SH3GL1: variants seen among roughly 807,000 people sequenced by gnomAD.
The protein encoded by SH3GL1 is SH3 domain containing GRB2 like 1, endophilin A2.
SH3GL1 carries 21 observed loss-of-function variants against 48.8 expected under a neutral mutation model. That is an observed-to-expected ratio of 0.43 (90% confidence interval 0.30 to 0.62). The LOEUF is 0.62. Among genes scored for constraint, SH3GL1 ranks in the 20% least tolerant of loss-of-function variants. The pLI, the probability that SH3GL1 is intolerant of heterozygous loss-of-function variation, is 0.11. For missense variants in SH3GL1, 454 were observed against 503.0 expected (o/e 0.90, Z 0.93); for synonymous variants, 282 against 217.5 (o/e 1.30, Z -2.61).
intron 4 of SH3GL1, among the ~76,000 whole-genome samples, chr19:4,365,150 G>A (rs951450716): frequency 7.9e-5 from 12 of 152,066 alleles, no homozygotes; most frequent in African/African-American, 2.9e-4. Context: ...CCGAATCGAT[G>A]CTGGACGTTA....
intron 1 of SH3GL1, among the ~76,000 whole-genome samples, chr19:4,387,418 C>A (rs1460326486): frequency 6.6e-6 from 1 of 152,198 alleles, no homozygotes; most frequent in Admixed American, 6.5e-5. Context: ...CCCACCTCAG[C>A]CTACCAAGTA....
At position 4,373,851 on chromosome 19, in the gene SH3GL1, T is replaced by C. The variant is rs115972360; in HGVS notation, c.46-6857A>G. On this transcript the variant is annotated intron_variant, in intron 1 of 9. Transcript: ENST00000269886. Reference sequence around the variant, plus strand: ...TGGCCAGAGGTGTGGCTGGGTGCCATGGTAGGGAAAGACAGCCAGACATTG... The same window carrying C: ...TGGCCAGAGGTGTGGCTGGGTGCCACGGTAGGGAAAGACAGCCAGACATTG... Among the ~76,000 whole-genome samples the C allele has an allele frequency of 5.6e-3, 856 of 152,208 alleles. 9 individuals are homozygous for C. Among genetic ancestry groups the C allele is most frequent in the African/African-American group, 0.02 (818 of 41,534 alleles).
At chr19:4,364,525 G>C (rs1284673390) in intron 4 of SH3GL1, 7 of 376,262 alleles carry the variant, frequency 1.9e-5, no homozygotes, top group African/African-American at 1.2e-4. Flanking sequence ...CTGCCTCCCA[G>C]GTTCAAGCAA....
intron 7 of SH3GL1, 35 bp downstream of exon 7, chr19:4,363,335 C>G (rs1437667318): frequency 1.3e-6 from 2 of 1,528,212 alleles, no homozygotes; most frequent in Admixed American, 3.8e-5. Flanking sequence ...CGCATGGCAG[C>G]CCAGACTCTG....
rs753507515 is a variant in SH3GL1 at position 4,364,211 on chromosome 19, C to T, written c.342G>A (p.Leu114=). The T allele has an allele frequency of 3.1e-6, 5 of 1,613,934 alleles. No individual in the cohort carries two copies. The highest frequency in any genetic ancestry group is 4.2e-6 in the Non-Finnish European group (5 of 1,180,040). The part of the protein sequence containing the change: ...LGGESNFGDA[L]LDAGESMKRL... ...GCTTCATGGACTCGCCGGCATCCAG[C>T]AATGCGTCACCTGTGGAGAAGTGGT... Residue 114 remains leucine, a synonymous_variant, in exon 5 of 10, where the codon TTG becomes TTA. Transcript: ENST00000269886.
At chr19:4,383,342 G>A (rs956783173) in intron 1 of SH3GL1, among the ~76,000 whole-genome samples, 4 of 151,834 alleles carry the variant, frequency 2.6e-5, no homozygotes, top group Non-Finnish European at 5.9e-5. Context: ...AGTCTCCCGA[G>A]TAGCTGGGAC....
At chr19:4,369,404 G>A (rs112274685) in intron 1 of SH3GL1, among the ~76,000 whole-genome samples, 2,815 of 152,360 alleles carry the variant, frequency 0.018, 32 homozygotes, top group Non-Finnish European at 0.028. Context: ...AGCGGGCTGC[G>A]AAACCACACC....
At position 4,389,652 on chromosome 19, in the gene SH3GL1, C is replaced by G. The variant is rs1408122175; in HGVS notation, c.45+10672G>C. Among the ~76,000 whole-genome samples the G allele has an allele frequency of 6.6e-6, 1 of 152,190 alleles. No homozygotes were observed. Among genetic ancestry groups the G allele is most frequent in the South Asian group, 2.1e-4 (1 of 4,830 alleles). On this transcript the variant is annotated intron_variant, in intron 1 of 9. Transcript: ENST00000269886. This position sits in a 1 kb window ranked among gnomAD's most constrained non-coding sequence, Gnocchi z 4.5. ...CCTCTAGGGCGTGCTCACACAAACT[C>G]GACACGAGGCCATCCGCTGTAGGGT...
chr19:4,365,346 C>G, intron 4 of SH3GL1, 136 bp downstream of exon 4: 1 of 1,211,994 alleles, frequency 8.3e-7, no homozygotes, highest in South Asian at 1.2e-5. Context: ...GTCTCCTGCA[C>G]CTCTGCAGCT....
In SH3GL1 at chr19:4,367,153, G is replaced by A. The variant is rs894734534; in HGVS notation, c.46-159C>T. ...CTCAGGCACTGCCGTGGGCACCCCA[G>A]GGCCACACGCTGCCTGCAGAGCAGG... On this transcript the variant is annotated intron_variant, in intron 1 of 9. Transcript: ENST00000269886. This position sits in a 1 kb window ranked among gnomAD's most constrained non-coding sequence, Gnocchi z 4.2. Among the ~76,000 whole-genome samples the A allele has an allele frequency of 6.6e-6, 1 of 152,166 alleles. No individual in the cohort carries two copies.
rs1355249190 is a variant in SH3GL1, at chr19:4,376,391, G to A, written c.46-9397C>T. Reference sequence around the variant, plus strand: ...CGTGCATTCTGTAGAGAACCTCAGCGCCCTCCTCCCTGCCGGCAGCCAGGC... The same window carrying A: ...CGTGCATTCTGTAGAGAACCTCAGCACCCTCCTCCCTGCCGGCAGCCAGGC... On this transcript the variant is annotated intron_variant, in intron 1 of 9. Transcript: ENST00000269886. The surrounding 1 kb of genome is among the most constrained non-coding windows in gnomAD (Gnocchi z 4.3). 3.3e-5 allele frequency among the ~76,000 whole-genome samples: 5 copies of A among 152,092 alleles called. No individual in the cohort carries two copies. Among genetic ancestry groups the A allele is most frequent in the Non-Finnish European group, 7.4e-5 (5 of 68,010 alleles).
At chr19:4,385,384 C>G (rs181427831) in intron 1 of SH3GL1, among the ~76,000 whole-genome samples, 3 of 152,174 alleles carry the variant, frequency 2.0e-5, no homozygotes, top group African/African-American at 7.2e-5. Context: ...TGGTGCCGAC[C>G]AGCGTGTGGC....
In SH3GL1 at chr19:4,362,393, C is replaced by G. The variant is rs371229186; in HGVS notation, c.854-8G>C. Reference sequence around the variant, plus strand: ...ATCGGAAAGACGATGAAGCTAAACACAAGCAAAACGAGGAGGCTGTGGGCT... The same window carrying G: ...ATCGGAAAGACGATGAAGCTAAACAGAAGCAAAACGAGGAGGCTGTGGGCT... On this transcript the variant is annotated splice_region_variant and splice_polypyrimidine_tract_variant and intron_variant, in intron 8 of 9. Coordinates refer to ENST00000269886, the MANE Select transcript of SH3GL1 (RefSeq NM_003025.4). The G allele has an allele frequency of 1.2e-6, 2 of 1,609,490 alleles. No homozygotes were observed. The highest frequency in any genetic ancestry group is 1.1e-5 in the South Asian group (1 of 90,332).
At chr19:4,369,659 G>T (rs1056512284) in intron 1 of SH3GL1, among the ~76,000 whole-genome samples, 20 of 152,162 alleles carry the variant, frequency 1.3e-4, no homozygotes, top group African/African-American at 4.8e-4. Context: ...ATCTCACCTG[G>T]GAATCCAGGA....
At chr19:4,393,942 C>A (rs1486275533) in intron 1 of SH3GL1, among the ~76,000 whole-genome samples, 2 of 151,820 alleles carry the variant, frequency 1.3e-5, no homozygotes, top group African/African-American at 4.8e-5. Context: ...GCCCAGGATC[C>A]CCCGGCAGAC....
chr19:4,396,710 T>C (rs552623786), intron 1 of SH3GL1, among the ~76,000 whole-genome samples: 74 of 152,222 alleles, frequency 4.9e-4, no homozygotes, highest in African/African-American at 1.7e-3. Context: ...CTATTGACAT[T>C]TGGGGCCAGG....
intron 1 of SH3GL1, among the ~76,000 whole-genome samples, chr19:4,371,787 G>A (rs1462029513): frequency 6.6e-6 from 1 of 152,136 alleles, no homozygotes; most frequent in Non-Finnish European, 1.5e-5. Flanking sequence ...CCTGCCCGTC[G>A]GCATCGGTGG....
intron 1 of SH3GL1, among the ~76,000 whole-genome samples, chr19:4,381,164 C>T (rs933821110): frequency 5.2e-5 from 7 of 133,642 alleles, no homozygotes; most frequent in Non-Finnish European, 9.6e-5. Flanking sequence ...CCTCTGTCTC[C>T]CCTGACTCTC....
rs867411723 is a variant in SH3GL1, at chr19:4,361,012, G to A, written c.*588C>T. ...GGCTGCAAGCTGACAGCAGGCCCGGGAGGCGGTGAGGCCCTCTGCCCTGGC... is the reference window on the plus strand; with the variant it reads ...GGCTGCAAGCTGACAGCAGGCCCGGAAGGCGGTGAGGCCCTCTGCCCTGGC... On this transcript the variant is annotated 3_prime_UTR_variant, in exon 10 of 10. Coordinates refer to ENST00000269886, the MANE Select transcript of SH3GL1 (RefSeq NM_003025.4). The A allele has an allele frequency of 1.2e-4, 29 of 234,224 alleles. No homozygotes were observed. Among genetic ancestry groups the A allele is most frequent in the Middle Eastern group, 2.5e-3 (2 of 788 alleles). The allele number at this position is 234,224 out of a possible 1,614,324, so 14.5% of individuals were successfully genotyped here. A position where few individuals can be genotyped will look rare whatever the true frequency, so the allele number is the denominator to read the frequency against.
Sources: allele counts gnomAD v4.1 joint callset (sites outside exome capture counted in the v4.1 genomes callset), GRCh38; gene constraint gnomAD v4.1.1; non-coding constraint Gnocchi (gnomAD v3.1); transcripts MANE v1.5; gene names NCBI Gene and HGNC (gene_info 2026-07-23, HGNC 2026-07-21).